GNG2: variants seen among roughly 807,000 people sequenced by gnomAD.
The protein encoded by GNG2 is guanine nucleotide-binding protein G(I)/G(S)/G(O) subunit gamma-2.
A neutral mutation model predicts 5.5 loss-of-function variants in GNG2; 5 were observed. That is an observed-to-expected ratio of 0.91 (90% CI 0.48 to 1.92). The LOEUF is 1.92. Ranked by LOEUF, GNG2 falls within the 30% of genes most tolerant of loss-of-function variation. GNG2 has a pLI of 0.01. For missense variants in GNG2, 55 were observed against 88.4 expected, an observed-to-expected ratio of 0.62 and a Z score of 1.52; for synonymous variants, 28 against 32.0, an observed-to-expected ratio of 0.88 and a Z score of 0.42.
At chr14:51,963,224 A>C (rs1566718313) in intron 3 of GNG2, among the ~76,000 whole-genome samples, 1 of 152,208 alleles carries the variant, frequency 6.6e-6, no homozygotes, top group Non-Finnish European at 1.5e-5. Flanking sequence ...TAAGAAGGAA[A>C]CCATTCAGAA....
chr14:51,951,211 T>C (rs1888958209), intron 3 of GNG2, among the ~76,000 whole-genome samples: 1 of 152,230 alleles, frequency 6.6e-6, no homozygotes, highest in Non-Finnish European at 1.5e-5. Flanking sequence ...TTCTTCTTTA[T>C]ACTTTATTGA....
chr14:51,933,787 G>A (rs951719419), intron 2 of GNG2, among the ~76,000 whole-genome samples: 8 of 152,310 alleles, frequency 5.3e-5, no homozygotes, highest in Middle Eastern at 3.4e-3. Context: ...GAATATGGGC[G>A]TTCTCTTCTT....
At chr14:51,827,420 T>A (rs1881057898) in intron 1 of GNG2, among the ~76,000 whole-genome samples, 1 of 152,204 alleles carries the variant, frequency 6.6e-6, no homozygotes, top group Non-Finnish European at 1.5e-5. Context: ...CAATCTGCCT[T>A]AACAAGCCTT....
intron 1 of GNG2, among the ~76,000 whole-genome samples, chr14:51,867,350 C>A (rs1031039139): frequency 6.6e-6 from 1 of 152,174 alleles, no homozygotes. Context: ...GAACATCCAA[C>A]CCACAGAAAA....
At chr14:51,868,559 A>G (rs538722555) in intron 1 of GNG2, among the ~76,000 whole-genome samples, 1 of 152,328 alleles carries the variant, frequency 6.6e-6, no homozygotes, top group East Asian at 1.9e-4. Context: ...AAGAGGTGAC[A>G]TTTGAGTTGA....
At chr14:51,865,151 G>T (rs902524799) in intron 1 of GNG2, among the ~76,000 whole-genome samples, 8 of 152,166 alleles carry the variant, frequency 5.3e-5, no homozygotes, top group Non-Finnish European at 8.8e-5. Flanking sequence ...AATGCACTTT[G>T]TCCATGTGCT....
intron 2 of GNG2, among the ~76,000 whole-genome samples, chr14:51,932,073 C>A (rs1035617213): frequency 6.6e-6 from 1 of 151,550 alleles, no homozygotes; most frequent in Non-Finnish European, 1.5e-5. Flanking sequence ...GGTGAAACCC[C>A]GTCTCTACTA....
At chr14:51,855,373 C>T (rs1323680610) in intron 2 of GNG2, among the ~76,000 whole-genome samples, 1 of 152,214 alleles carries the variant, frequency 6.6e-6, no homozygotes, top group Admixed American at 6.5e-5. Flanking sequence ...CCACCCACCC[C>T]CTGACTCTCT....
intron 2 of GNG2, among the ~76,000 whole-genome samples, chr14:51,847,880 T>C (rs1164784555): frequency 5.1e-5 from 2 of 39,590 alleles, no homozygotes; most frequent in Admixed American, 4.7e-4. Context: ...AGGTCCTTTT[T>C]CTTTTTTTTT....
At chr14:51,840,374 A>G (rs1429633874) in intron 2 of GNG2, among the ~76,000 whole-genome samples, 1 of 152,182 alleles carries the variant, frequency 6.6e-6, no homozygotes, top group African/African-American at 2.4e-5. Context: ...TCTACCACCA[A>G]CAGAGAATCC....
chr14:51,889,446 G>A (rs996636924), intron 2 of GNG2, among the ~76,000 whole-genome samples: 2 of 152,114 alleles, frequency 1.3e-5, no homozygotes, highest in Non-Finnish European at 2.9e-5. Context: ...TTTGATAGTG[G>A]TGATGGGTAC....
rs1034959208 is a variant in GNG2, at chr14:51,967,240, T to A, written c.*553T>A. 1 of 152,516 alleles carries A rather than the reference T, an allele frequency of 6.6e-6. No homozygotes were observed. The highest frequency in any genetic ancestry group is 1.5e-5 in the Non-Finnish European group (1 of 68,346). The allele number at this position is 152,516 out of a possible 1,614,324, so 9.4% of individuals were successfully genotyped here. ...GTGGAGATAAGGCTGGACTGGTCTA[T>A]CAGATTGAACTCCAAGAATGATCAC... On this transcript the variant is annotated 3_prime_UTR_variant, in exon 4 of 4. Transcript: ENST00000556766.
intron 3 of GNG2, among the ~76,000 whole-genome samples, chr14:51,960,829 A>G (rs1391657061): frequency 6.6e-6 from 1 of 151,858 alleles, no homozygotes; most frequent in Non-Finnish European, 1.5e-5. Flanking sequence ...AAGCCTTTCT[A>G]CTCTGGCCCT....
At chr14:51,948,628 G>GGT (rs1175138070) in intron 2 of GNG2, among the ~76,000 whole-genome samples, 4 of 152,176 alleles carry the variant, frequency 2.6e-5, no homozygotes, top group African/African-American at 9.7e-5. Context: ...TAATTTCCCT[G>GGT]TGAGGCTGCG....
At chr14:51,900,181 C>G (rs1885458333) in intron 2 of GNG2, among the ~76,000 whole-genome samples, 1 of 152,130 alleles carries the variant, frequency 6.6e-6, no homozygotes, top group African/African-American at 2.4e-5. Flanking sequence ...TTGTTATTTT[C>G]TGTTTTTTAA....
intron 2 of GNG2, among the ~76,000 whole-genome samples, chr14:51,840,583 C>G (rs897141664): frequency 6.6e-6 from 1 of 152,218 alleles, no homozygotes; most frequent in African/African-American, 2.4e-5. Context: ...AATTTTGCTT[C>G]TCAGCCTTGT....
intron 2 of GNG2, among the ~76,000 whole-genome samples, chr14:51,922,460 G>C (rs1441980912): frequency 2.6e-5 from 4 of 152,096 alleles, no homozygotes. Flanking sequence ...AGTTGGCGAG[G>C]GGGAAGACTC....
Position 51,827,532 on chromosome 14 carries a change from A to G in GNG2, c.-76-136A>G, listed in dbSNP as rs1881060221. On this transcript the variant is annotated intron_variant, in intron 1 of 3. Transcript: ENST00000553432. ...TCCCTCTGAGAACAGATGTAGTGAGAAAGCTAGGAGTGGTATTTTTTGATG... is the reference window on the plus strand; with the variant it reads ...TCCCTCTGAGAACAGATGTAGTGAGGAAGCTAGGAGTGGTATTTTTTGATG... 7.1e-6 allele frequency: 4 copies of G among 563,216 alleles called. No individual in the cohort carries two copies. The South Asian group carries it at 8.3e-5, about 12-fold the overall frequency. 34.9% of individuals were successfully genotyped at this position (563,216 alleles called of 1,614,324 possible). A position where few individuals can be genotyped will look rare whatever the true frequency, so the allele number is the denominator to read the frequency against.
chr14:51,841,695 T>C, intron 2 of GNG2: 1 of 602,414 alleles, frequency 1.7e-6, no homozygotes. Flanking sequence ...ATGAGAAAAA[T>C]CACTTTGTAG....
Sources: gnomAD v4.1 joint callset for allele counts (sites outside exome capture counted in the v4.1 genomes callset) on GRCh38, gnomAD v4.1.1 for gene constraint, MANE v1.5 for transcripts, NCBI Gene and HGNC (gene_info 2026-07-23, HGNC 2026-07-21) for gene names.